TBL3: variants seen among roughly 807,000 people sequenced by gnomAD.
TBL3 encodes the protein transducin beta like 3.
A neutral mutation model predicts 102.7 loss-of-function variants in TBL3; 71 were observed. That is an observed-to-expected ratio of 0.69 (90% CI 0.57 to 0.84). The LOEUF is 0.84. TBL3 is among the 40% of genes least tolerant of loss of function. The probability of loss-of-function intolerance (pLI) is 0.00; values close to 1 mark genes in which losing one functional copy is unlikely to be tolerated. For synonymous variants in TBL3, 578 were observed against 477.7 expected, an observed-to-expected ratio of 1.21 and a Z score of -2.74; for missense variants, 1,188 against 1,098.5, an observed-to-expected ratio of 1.08 and a Z score of -1.15.
rs1567324549 is a variant in TBL3 at position 1,974,856 on chromosome 16, G to A, written c.464+9G>A. ...TCGCCCGGTGTCGTGCAGTGAGTTG[G>A]AAGGTGGAGGGGGAGGGCAGAGGCA... On this transcript the variant is annotated intron_variant, in intron 6 of 21. Transcript: ENST00000568546. 5 of 1,613,218 alleles carry A rather than the reference G, an allele frequency of 3.1e-6. No homozygotes were observed. The highest frequency in any genetic ancestry group is 3.4e-6 in the Non-Finnish European group (4 of 1,179,974).
intron 16 of TBL3, 33 bp downstream of exon 16, chr16:1,977,459 G>T (rs759057834): frequency 5.6e-6 from 9 of 1,608,672 alleles, no homozygotes; most frequent in Middle Eastern, 1.7e-4. Context: ...GCGATGGAGT[G>T]GGGGGTGGCG....
chr16:1,976,049 A>T lies in TBL3; in HGVS notation c.1130-7A>T. 6.2e-7 allele frequency: 1 copy of T among 1,614,066 alleles called. No individual in the cohort carries two copies. Reference sequence around the variant, plus strand: ...TGTGTGACCTATACCTCCCCACAACATCTCAGATATCGTCCTGGCCCTGGA... The same window carrying T: ...TGTGTGACCTATACCTCCCCACAACTTCTCAGATATCGTCCTGGCCCTGGA... On this transcript the variant is annotated splice_polypyrimidine_tract_variant and splice_region_variant and intron_variant, in intron 11 of 21. Coordinates refer to ENST00000568546, the MANE Select transcript of TBL3 (RefSeq NM_006453.3).
Position 1,981,356 on chromosome 16 carries a change from G to T in TBL3, c.*2671G>T. ...CTGAGTCCTTTGCAGCTTTCTTGCT[G>T]TCCCCCAAGCCCACGATCTGGGGGC... On this transcript the variant is annotated 3_prime_UTR_variant, in exon 22 of 22. Coordinates refer to ENST00000568546, the MANE Select transcript of TBL3 (RefSeq NM_006453.3). 7.0e-7 allele frequency: 1 copy of T among 1,423,566 alleles called. No homozygotes were observed. Among genetic ancestry groups the T allele is most frequent in the Non-Finnish European group, 9.2e-7 (1 of 1,088,658 alleles). The allele number at this position is 1,423,566 out of a possible 1,614,324, so 88.2% of individuals were successfully genotyped here.
At chr16:1,974,512 C>T (rs368423545) in intron 4 of TBL3, 26 bp from the exon 5 acceptor site, 4 of 1,588,796 alleles carry the variant, frequency 2.5e-6, no homozygotes, top group Admixed American at 1.7e-5. Context: ...ATTGCTGCCC[C>T]TCTGCTGACC....
At position 1,977,194 on chromosome 16, in the gene TBL3, C is replaced by T. The variant is rs148169075; in HGVS notation, c.1581C>T (p.Val527=). 2.2e-3 allele frequency: 3,500 copies of T among 1,613,202 alleles called. 11 individuals carry two copies. The highest frequency in any genetic ancestry group is 4.2e-3 in the Admixed American group (250 of 60,008). ...GCCACCGGCGTGGCCTCTGGTGCGT[C>T]CAGTTCTCTCCCATGGACCAGGTGC... is the stretch of plus-strand genomic sequence containing the variant. ...FSGHRRGLWC[V]QFSPMDQVLA... Residue 527 remains valine (V), a synonymous_variant, in exon 15 of 22, where the codon GTC becomes GTT. Coordinates refer to ENST00000568546, the MANE Select transcript of TBL3 (RefSeq NM_006453.3).
intron 16 of TBL3, 27 bp downstream of exon 16, chr16:1,977,453 T>C: frequency 8.4e-7 from 1 of 1,185,856 alleles, no homozygotes; most frequent in Non-Finnish European, 1.2e-6. Flanking sequence ...GGGGCAGCGA[T>C]GGAGTGGGGG....
chr16:1,977,558 A>C lies in TBL3; in HGVS notation c.1787A>C (p.Glu596Ala). ...AAGCTCTGGACCATCAAGAACAACG[A>C]GTGTGTGCGGACGCTGGATGCCCAC... ...LVKLWTIKNNECVRTLDAHED... is the reference protein window; with the variant it reads ...LVKLWTIKNNACVRTLDAHED... Residue 596 changes from glutamate (E) to alanine (A), a missense_variant, in exon 17 of 22, where the codon GAG becomes GCG. By Grantham distance (107) the Glu-to-Ala change is moderately radical (BLOSUM62 -1). Transcript: ENST00000568546. 1 of 1,595,774 alleles carries C rather than the reference A, an allele frequency of 6.3e-7. No homozygotes were observed. Among genetic ancestry groups the C allele is most frequent in the Non-Finnish European group, 8.5e-7 (1 of 1,170,652 alleles).
intron 19 of TBL3, 26 bp downstream of exon 19, chr16:1,978,087 G>C: frequency 3.1e-6 from 5 of 1,606,916 alleles, no homozygotes; most frequent in Non-Finnish European, 3.4e-6. Context: ...GGGGGGCGAG[G>C]GGCTGGGTCT....
rs780179536 is a variant in TBL3, at chr16:1,974,629, C to A, written c.329C>A (p.Ala110Asp). The change falls in exon 5 of 22, where the codon GCC becomes GAC. Residue 110 changes from alanine (A) to aspartate (D), a missense_variant. By Grantham distance (126) the Ala-to-Asp change is moderately radical. Transcript: ENST00000568546. ...CGCCTGTGGAAGGCGATACACACGG[C>A]CCCCGTGGCCACCATGGCCTTCGAC... ...VTRLWKAIHT[A>D]PVATMAFDPT... 5.6e-6 allele frequency: 9 copies of A among 1,609,752 alleles called. No homozygotes were observed. Among genetic ancestry groups the A allele is most frequent in the Non-Finnish European group, 6.8e-6 (8 of 1,177,430 alleles).
At chr16:1,976,463 G>A in intron 13 of TBL3, 149 bp downstream of exon 13, 1 of 712,138 alleles carries the variant, frequency 1.4e-6, no homozygotes, top group South Asian at 1.8e-5. Context: ...AACAGGACAG[G>A]AGAGTCCCTA....
chr16:1,974,877 A>G (rs1256240774), intron 6 of TBL3, 30 bp downstream of exon 6: 1 of 1,612,820 alleles, frequency 6.2e-7, no homozygotes, highest in East Asian at 2.2e-5. Context: ...GGGAGGGCAG[A>G]GGCACCACCC....
rs552247687 is a variant in TBL3 at position 1,980,296 on chromosome 16, T to TC, written c.*1618dup. On this transcript the variant is annotated 3_prime_UTR_variant, in exon 22 of 22. Coordinates refer to ENST00000568546, the MANE Select transcript of TBL3 (RefSeq NM_006453.3). ...CTCTCTGCCCCTATTCGCTGGCTGTTCCCCCCCACCCTGGACCTCTCCCAG... is the reference window on the plus strand; with the variant it reads ...CTCTCTGCCCCTATTCGCTGGCTGTTCCCCCCCCACCCTGGACCTCTCCCAG... 7.7e-4 allele frequency: 1,171 copies of TC among 1,530,306 alleles called. 20 individuals are homozygous for TC. In the South Asian group the frequency reaches 0.013, roughly 17 times the overall value. 94.8% of individuals were successfully genotyped at this position (1,530,306 alleles called of 1,614,324 possible). A position where few individuals can be genotyped will look rare whatever the true frequency, so the allele number is the denominator to read the frequency against.
In TBL3 at chr16:1,975,408, G is replaced by C; in HGVS notation, c.775G>C (p.Gly259Arg). Residue 259 changes from glycine to arginine, a missense_variant, in exon 9 of 22, where the codon GGG becomes CGG. Coordinates refer to ENST00000568546, the MANE Select transcript of TBL3 (RefSeq NM_006453.3). ...GTCCCAGCTGGGTGTGAAGTCCCCAGGGCTGTACTTTCTGACAGCTGGCGA... is the reference window on the plus strand; with the variant it reads ...GTCCCAGCTGGGTGTGAAGTCCCCACGGCTGTACTTTCTGACAGCTGGCGA... ...PVSQLGVKSPGLYFLTAGDQG... is the reference protein window; with the variant it reads ...PVSQLGVKSPRLYFLTAGDQG... The C allele has an allele frequency of 6.2e-7, 1 of 1,613,966 alleles. No individual in the cohort carries two copies. The highest frequency in any genetic ancestry group is 8.5e-7 in the Non-Finnish European group (1 of 1,179,998).
rs2083416988 is a variant in TBL3, at chr16:1,977,864, G to A, written c.1958+64G>A. The A allele has an allele frequency of 3.1e-6, 5 of 1,590,024 alleles. No individual in the cohort carries two copies. In the African/African-American group the frequency reaches 4.0e-5, roughly 13 times the overall value. On this transcript the variant is annotated intron_variant, in intron 18 of 21. Transcript: ENST00000568546. ...CTGCTCTGTGCTGTAGGGAAAACGA[G>A]GCTGAGTGCCAGGCTCCCTGCCTGC... is the stretch of plus-strand genomic sequence containing the variant.
In TBL3 at chr16:1,980,186, G is replaced by A. The variant is rs994096218; in HGVS notation, c.*1501G>A. On this transcript the variant is annotated 3_prime_UTR_variant, in exon 22 of 22. Transcript: ENST00000568546. ...GGGGTGGGCAGGATCACCCGGCTGG[G>A]AAGGGCAGCCCGTACGAGTGAGAGG... 10 of 1,595,744 alleles carry A rather than the reference G, an allele frequency of 6.3e-6. No homozygotes were observed. Among genetic ancestry groups the A allele is most frequent in the Non-Finnish European group, 8.5e-6 (10 of 1,174,298 alleles).
Position 1,981,126 on chromosome 16 carries a change from G to C in TBL3, c.*2441G>C, listed in dbSNP as rs779727689. ...AGCCAGGTCTTACTTGGAGCCTCTTGATCTGCACCAGGGCTGCCCCTTGCA... is the reference window on the plus strand; with the variant it reads ...AGCCAGGTCTTACTTGGAGCCTCTTCATCTGCACCAGGGCTGCCCCTTGCA... On this transcript the variant is annotated 3_prime_UTR_variant, in exon 22 of 22. Coordinates refer to ENST00000568546, the MANE Select transcript of TBL3 (RefSeq NM_006453.3). The C allele has an allele frequency of 6.2e-7, 1 of 1,613,458 alleles. No homozygotes were observed. The highest frequency in any genetic ancestry group is 8.5e-7 in the Non-Finnish European group (1 of 1,179,972).
chr16:1,979,044 C>T lies in TBL3; in HGVS notation c.*359C>T. Reference sequence around the variant, plus strand: ...GCGCGGTCCATCCCCTCATCGGGATCCTCGCGCTCACTGCTCCGTCGTGGG... The same window carrying T: ...GCGCGGTCCATCCCCTCATCGGGATTCTCGCGCTCACTGCTCCGTCGTGGG... On this transcript the variant is annotated 3_prime_UTR_variant, in exon 22 of 22. Coordinates refer to ENST00000568546, the MANE Select transcript of TBL3 (RefSeq NM_006453.3). 6.5e-7 allele frequency: 1 copy of T among 1,543,300 alleles called. No homozygotes were observed. Among genetic ancestry groups the T allele is most frequent in the African/African-American group, 1.4e-5 (1 of 72,886 alleles).
At chr16:1,973,082 G>A (rs970913325) in intron 1 of TBL3, among the ~76,000 whole-genome samples, 6 of 152,150 alleles carry the variant, frequency 3.9e-5, no homozygotes, top group African/African-American at 1.4e-4. Flanking sequence ...CAGAAGGGAG[G>A]GGCTAACGCA....
chr16:1,972,147 A>G lies in TBL3; in HGVS notation c.-18A>G. On this transcript the variant is annotated 5_prime_UTR_variant, in exon 1 of 22. Transcript: ENST00000568546. The stretch of plus-strand genomic sequence containing the variant: ...CGGGACCCTAGCAGGTTTCAGCTGG[A>G]GCGGCGGCGGCGGCAACATGGCAGA... 1 of 1,468,934 alleles carries G rather than the reference A, an allele frequency of 6.8e-7. No individual in the cohort carries two copies. The highest frequency in any genetic ancestry group is 9.0e-7 in the Non-Finnish European group (1 of 1,108,122). The allele number at this position is 1,468,934 out of a possible 1,614,324, so 91.0% of individuals were successfully genotyped here.
Sources: allele counts gnomAD v4.1 joint callset (sites outside exome capture counted in the v4.1 genomes callset), GRCh38; gene constraint gnomAD v4.1.1; transcripts MANE v1.5; gene names NCBI Gene and HGNC (gene_info 2026-07-23, HGNC 2026-07-21).